USP47: variants seen among roughly 807,000 people sequenced by gnomAD.
USP47 encodes the protein ubiquitin carboxyl-terminal hydrolase 47.
Under a neutral mutation model 165.1 loss-of-function variants are expected in USP47, and 35 were observed. The observed-to-expected ratio is 0.21, with a 90% confidence interval of 0.16 to 0.28. The LOEUF (loss-of-function observed/expected upper bound fraction) is 0.28. USP47 is among the 10% of genes least tolerant of loss of function. The probability of loss-of-function intolerance (pLI) is 1.00; values close to 1 mark genes in which losing one functional copy is unlikely to be tolerated. For synonymous variants in USP47, 531 were observed against 544.5 expected (o/e 0.98, Z 0.35); for missense variants, 1,277 against 1,607.4 (o/e 0.79, Z 3.52).
At chr11:11,869,819 G>A (rs183508073) in intron 1 of USP47, among the ~76,000 whole-genome samples, 4 of 152,228 alleles carry the variant, frequency 2.6e-5, no homozygotes, top group East Asian at 3.9e-4. Flanking sequence ...GTTCATTATC[G>A]TGGGAGTGGG....
At position 11,942,955 on chromosome 11, in the gene USP47, A is replaced by G. The variant is rs750088826; in HGVS notation, c.2934A>G (p.Ala978=). The G allele has an allele frequency of 3.1e-6, 5 of 1,613,616 alleles. No individual in the cohort carries two copies. The highest frequency in any genetic ancestry group is 4.2e-6 in the Non-Finnish European group (5 of 1,179,714). ...HSITSSRRTK[A]NEGKKETWDT... is the part of the protein sequence containing the mutation. ...TCACAAGTAGTAGAAGAACGAAAGC[A>G]AATGAAGGGAAAAAAGAAACATGGG... Residue 978 remains alanine (A), a synonymous_variant, in exon 20 of 28, where the codon GCA becomes GCG. Transcript: ENST00000527733.
chr11:11,860,749 C>G (rs919566008), intron 1 of USP47, among the ~76,000 whole-genome samples: 1 of 152,084 alleles, frequency 6.6e-6, no homozygotes, highest in Non-Finnish European at 1.5e-5. Flanking sequence ...TAGTAAAGGA[C>G]GTATTATTTC....
intron 16 of USP47, among the ~76,000 whole-genome samples, chr11:11,934,833 T>G (rs1464955338): frequency 6.6e-6 from 1 of 152,066 alleles, no homozygotes; most frequent in Admixed American, 6.6e-5. Context: ...TTTTCCCCTT[T>G]CCATATAAGC....
intron 1 of USP47, among the ~76,000 whole-genome samples, chr11:11,870,748 G>C (rs567396977): frequency 6.6e-6 from 1 of 152,170 alleles, no homozygotes; most frequent in Non-Finnish European, 1.5e-5. Context: ...CCGCTTTTCT[G>C]TTCTTTCTCT....
intron 1 of USP47, among the ~76,000 whole-genome samples, chr11:11,853,934 G>A (rs1848871675): frequency 6.6e-6 from 1 of 151,830 alleles, no homozygotes; most frequent in Non-Finnish European, 1.5e-5. Context: ...AGACCATCCT[G>A]GCTAACACAG....
intron 10 of USP47, 33 bp downstream of exon 10, chr11:11,920,527 T>G: frequency 5.7e-6 from 9 of 1,567,630 alleles, no homozygotes; most frequent in Non-Finnish European, 7.8e-6. Context: ...TATTTTTCAT[T>G]AATCCACATT....
At chr11:11,847,566 G>A (rs768147845) in intron 1 of USP47, among the ~76,000 whole-genome samples, 3 of 151,856 alleles carry the variant, frequency 2.0e-5, no homozygotes, top group Non-Finnish European at 4.4e-5. Context: ...TAGTGTTATC[G>A]CCATCTATTT....
intron 8 of USP47, among the ~76,000 whole-genome samples, chr11:11,913,374 A>G (rs568902337): frequency 1.7e-4 from 26 of 152,010 alleles, no homozygotes; most frequent in Non-Finnish European, 2.2e-4. Flanking sequence ...GAACATGTAG[A>G]AAGTGAAGTT....
At chr11:11,951,674 TACTA>T (rs1590464669) in intron 24 of USP47, 1 of 152,210 alleles carries the variant, frequency 6.6e-6, no homozygotes, top group African/African-American at 2.4e-5. Flanking sequence ...AGCTCAATAA[TACTA>T]ACACCTCATG....
At chr11:11,899,416 G>A (rs1032611846) in intron 5 of USP47, among the ~76,000 whole-genome samples, 6 of 152,182 alleles carry the variant, frequency 3.9e-5, no homozygotes, top group African/African-American at 1.4e-4. Flanking sequence ...ATTCTTTTAG[G>A]TATAAGGATT....
At chr11:11,902,635 T>A in intron 5 of USP47, 80 bp from the exon 6 acceptor site, 1 of 1,041,818 alleles carries the variant, frequency 9.6e-7, no homozygotes, top group Non-Finnish European at 1.3e-6. Flanking sequence ...AATCTTACAT[T>A]ATTATGATTT....
rs188261952 is a variant in USP47 at position 11,892,018 on chromosome 11, G to A, written c.408G>A (p.Pro136=). The change falls in exon 4 of 28, where the codon CCG becomes CCA. Residue 136 remains proline, a synonymous_variant. Coordinates refer to ENST00000527733, the MANE Select transcript of USP47 (RefSeq NM_001282659.2). ...EDSVHDRFIG[P]LPREGSGGST... ...GTGTTCATGACAGGTTTATAGGTCC[G>A]CTTCCAAGAGAAGGTTCTGGGGGTT... The A allele has an allele frequency of 9.2e-5, 148 of 1,613,814 alleles. No homozygotes were observed. In the African/African-American group the frequency reaches 1.5e-3, roughly 16 times the overall value.
chr11:11,953,211 C>T (rs907869936), intron 25 of USP47, among the ~76,000 whole-genome samples: 3 of 151,926 alleles, frequency 2.0e-5, no homozygotes, highest in African/African-American at 7.2e-5. Context: ...TAAAAAAAAC[C>T]AAATGAAGTC....
rs765821727 is a variant in USP47, at chr11:11,920,462, G to C, written c.1186G>C (p.Asp396His). The C allele has an allele frequency of 2.8e-5, 45 of 1,609,402 alleles. No homozygotes were observed. Among genetic ancestry groups the C allele is most frequent in the Non-Finnish European group, 3.7e-5 (43 of 1,177,756 alleles). ...NDRMTFPEEL[D>H]MSTFIDVEDE... ...TCGAATGACATTTCCCGAGGAACTA[G>C]ATATGAGTACTTTTATTGATGTTGA... The change falls in exon 10 of 28, where the codon GAT becomes CAT. Residue 396 changes from aspartate (D) to histidine (H), a missense_variant. Asp to His is a moderately conservative substitution (Grantham distance 81, BLOSUM62 -1). Coordinates refer to ENST00000527733, the MANE Select transcript of USP47 (RefSeq NM_001282659.2).
chr11:11,864,652 A>G (rs1193661333), intron 1 of USP47, among the ~76,000 whole-genome samples: 1 of 151,960 alleles, frequency 6.6e-6, no homozygotes, highest in East Asian at 1.9e-4. Flanking sequence ...ACTTAGCATA[A>G]TGTCCTCAAG....
At chr11:11,861,310 G>T (rs981807633) in intron 1 of USP47, among the ~76,000 whole-genome samples, 1 of 152,068 alleles carries the variant, frequency 6.6e-6, no homozygotes, top group Non-Finnish European at 1.5e-5. Context: ...TGGCTAGGGT[G>T]GTCTCGAACT....
chr11:11,940,408 A>T (rs1855384375), intron 18 of USP47, 21 bp from the exon 19 acceptor site: 1 of 1,571,614 alleles, frequency 6.4e-7, no homozygotes, highest in Non-Finnish European at 8.6e-7. Flanking sequence ...AGTACTTTTT[A>T]TTAAATTGCT....
intron 25 of USP47, 112 bp from the exon 26 acceptor site, chr11:11,954,785 C>T: frequency 8.1e-7 from 1 of 1,231,306 alleles, no homozygotes; most frequent in Non-Finnish European, 1.1e-6. Flanking sequence ...AATTTTTTTA[C>T]ATGAAACATT....
chr11:11,842,708 C>A (rs1848201121), intron 1 of USP47, among the ~76,000 whole-genome samples: 1 of 152,148 alleles, frequency 6.6e-6, no homozygotes, highest in Non-Finnish European at 1.5e-5. Context: ...CGACTTTTTT[C>A]AACTCCTGTT....
Sources: gnomAD v4.1 joint callset for allele counts (sites outside exome capture counted in the v4.1 genomes callset) on GRCh38, gnomAD v4.1.1 for gene constraint, MANE v1.5 for transcripts, NCBI Gene and HGNC (gene_info 2026-07-23, HGNC 2026-07-21) for gene names.